CUX1: variants seen among roughly 807,000 people sequenced by gnomAD.
CUX1 encodes the protein cut like homeobox 1.
Under a neutral mutation model 158.8 loss-of-function variants are expected in CUX1, and 31 were observed. The observed-to-expected ratio is 0.20, with a 90% confidence interval of 0.15 to 0.26. The LOEUF (loss-of-function observed/expected upper bound fraction) is 0.26. Among genes scored for constraint, CUX1 ranks in the 10% least tolerant of loss-of-function variants. The probability of loss-of-function intolerance (pLI) is 1.00; values close to 1 mark genes in which losing one functional copy is unlikely to be tolerated. For missense variants in CUX1, 1,589 were observed against 2,014.6 expected, an observed-to-expected ratio of 0.79 and a Z score of 4.04; for synonymous variants, 879 against 862.1, an observed-to-expected ratio of 1.02 and a Z score of -0.34.
intron 8 of CUX1, among the ~76,000 whole-genome samples, chr7:102,137,843 T>C (rs1428291914): frequency 5.9e-5 from 9 of 152,192 alleles, no homozygotes; most frequent in African/African-American, 2.2e-4. Context: ...ATGCTACATA[T>C]AATATTGATT....
intron 5 of CUX1, among the ~76,000 whole-genome samples, chr7:102,097,834 CAG>C (rs1296506548): frequency 3.9e-5 from 6 of 152,186 alleles, no homozygotes; most frequent in African/African-American, 1.2e-4. Flanking sequence ...CGACACCTGT[CAG>C]AGAGCCAGCT....
At chr7:102,003,994 A>G (rs914696316) in intron 2 of CUX1, among the ~76,000 whole-genome samples, 1 of 152,148 alleles carries the variant, frequency 6.6e-6, no homozygotes, top group Admixed American at 6.6e-5. Flanking sequence ...ATATGTATAC[A>G]CGTATAAATT....
At chr7:102,266,190 T>G (rs1586499314) in intron 14 of CUX1, among the ~76,000 whole-genome samples, 16 of 120,696 alleles carry the variant, frequency 1.3e-4, no homozygotes, top group East Asian at 2.3e-4. Flanking sequence ...GGTGACAGAG[T>G]GAGACTCCGT....
At chr7:102,220,070 G>A (rs1279704079) in intron 20 of CUX1, among the ~76,000 whole-genome samples, 1 of 152,074 alleles carries the variant, frequency 6.6e-6, no homozygotes, top group Non-Finnish European at 1.5e-5. Flanking sequence ...GGCCAGGGCC[G>A]GGCACAGGGC....
chr7:102,185,866 A>C (rs1793569092), intron 11 of CUX1, among the ~76,000 whole-genome samples: 1 of 152,094 alleles, frequency 6.6e-6, no homozygotes, highest in African/African-American at 2.4e-5. Flanking sequence ...CAAGATCTGC[A>C]CTGTAGGACC....
intron 22 of CUX1, chr7:102,282,950 CAT>C: frequency 8.8e-7 from 1 of 1,134,370 alleles, no homozygotes; most frequent in Non-Finnish European, 1.3e-6. Flanking sequence ...AGCCCCACCC[CAT>C]CACATGGTAC....
At chr7:101,939,124 A>C (rs1807385411) in intron 2 of CUX1, among the ~76,000 whole-genome samples, 4 of 119,792 alleles carry the variant, frequency 3.3e-5, no homozygotes, top group Non-Finnish European at 3.3e-5. Context: ...TGATGGTTCC[A>C]CTGTCCCCCC....
At chr7:101,982,285 G>A (rs1813539792) in intron 2 of CUX1, among the ~76,000 whole-genome samples, 1 of 152,198 alleles carries the variant, frequency 6.6e-6, no homozygotes, top group Admixed American at 6.5e-5. Flanking sequence ...TTCTCACCAA[G>A]GTGTTATGAG....
At chr7:102,206,402 C>T (rs979014492) in intron 20 of CUX1, among the ~76,000 whole-genome samples, 1 of 152,176 alleles carries the variant, frequency 6.6e-6, no homozygotes, top group Non-Finnish European at 1.5e-5. Flanking sequence ...ACTAATCCAG[C>T]ACTGGCTCGA....
At chr7:101,995,892 C>T (rs1815801613) in intron 2 of CUX1, among the ~76,000 whole-genome samples, 1 of 152,050 alleles carries the variant, frequency 6.6e-6, no homozygotes, top group South Asian at 2.1e-4. Context: ...GTGGGTGGAT[C>T]ACCTGAGGTC....
chr7:102,213,779 G>A (rs1170210274), intron 20 of CUX1, among the ~76,000 whole-genome samples: 1 of 152,138 alleles, frequency 6.6e-6, no homozygotes, highest in Non-Finnish European at 1.5e-5. Context: ...ATAAAACAAG[G>A]GAGTCCACAT....
At chr7:102,102,640 G>A (rs1427105643) in intron 5 of CUX1, among the ~76,000 whole-genome samples, 8 of 152,070 alleles carry the variant, frequency 5.3e-5, no homozygotes, top group East Asian at 1.9e-4. Flanking sequence ...AGCTCTGCCC[G>A]GCCTCGGCTC....
intron 1 of CUX1, among the ~76,000 whole-genome samples, chr7:101,861,743 G>T (rs1797478223): frequency 6.6e-6 from 1 of 151,942 alleles, no homozygotes; most frequent in Non-Finnish European, 1.5e-5. Flanking sequence ...CATAATCCCA[G>T]TACCAGAGTT....
intron 4 of CUX1, among the ~76,000 whole-genome samples, chr7:102,073,037 G>A (rs1428929780): frequency 2.6e-5 from 4 of 151,980 alleles, no homozygotes; most frequent in African/African-American, 9.7e-5. Context: ...GAAGGGGAGT[G>A]TTTTCCAGCT....
intron 3 of CUX1, among the ~76,000 whole-genome samples, chr7:102,048,445 G>A (rs540977841): frequency 6.6e-6 from 1 of 152,226 alleles, no homozygotes; most frequent in South Asian, 2.1e-4. Flanking sequence ...GCGTGGTAGT[G>A]TTAGAACCCA....
downstream of CUX1, among the ~76,000 whole-genome samples, chr7:102,262,996 G>T (rs771075770): frequency 2.1e-5 from 3 of 142,804 alleles, no homozygotes; most frequent in Non-Finnish European, 4.5e-5. Flanking sequence ...GGAAGAGCAA[G>T]TGAAAAGGGT....
Position 102,034,376 on chromosome 7 carries a change from A to T in CUX1, c.189+6231A>T, listed in dbSNP as rs193195711. ...TTGATAAAATTTAAATCCATTCATG[A>T]TTAAAAACTACCAACAGGCTAGGCA... On this transcript the variant is annotated intron_variant, in intron 3 of 23. Transcript: ENST00000292535. Among the ~76,000 whole-genome samples the T allele has an allele frequency of 4.8e-3, 725 of 152,180 alleles. 17 individuals carry two copies. The highest frequency in any genetic ancestry group is 0.026 in the Admixed American group (397 of 15,276).
intron 16 of CUX1, chr7:102,275,208 C>A: frequency 6.6e-7 from 1 of 1,506,626 alleles, no homozygotes; most frequent in Non-Finnish European, 9.1e-7. Context: ...TGGGTTCCAC[C>A]TCCTGCCACC....
chr7:101,916,055 C>T lies in CUX1; in HGVS notation c.31-60C>T. The T allele has an allele frequency of 8.3e-7, 1 of 1,201,280 alleles. No homozygotes were observed. The highest frequency in any genetic ancestry group is 1.2e-6 in the Non-Finnish European group (1 of 806,272). 74.4% of individuals were successfully genotyped at this position (1,201,280 alleles called of 1,614,324 possible). A position where few individuals can be genotyped will look rare whatever the true frequency, so the allele number is the denominator to read the frequency against. ...GTGTTCTGGTCAAATGCAAATAGGA[C>T]CCTCCTCTAGTACACAGTGCAATTA... On this transcript the variant is annotated intron_variant, in intron 1 of 23. Coordinates refer to ENST00000292535, the MANE Select transcript of CUX1 (RefSeq NM_181552.4). This position sits in a 1 kb window ranked among gnomAD's most constrained non-coding sequence, Gnocchi z 4.4.
Sources: allele counts gnomAD v4.1 joint callset (sites outside exome capture counted in the v4.1 genomes callset), GRCh38; gene constraint gnomAD v4.1.1; non-coding constraint Gnocchi (gnomAD v3.1); transcripts MANE v1.5; gene names NCBI Gene and HGNC (gene_info 2026-07-23, HGNC 2026-07-21).